Variants in NSMCE2 observed in about 807,000 individuals in gnomAD.
The protein encoded by NSMCE2 is NSE2 SUMO ligase component of SMC5/6 complex, also known as E3 SUMO-protein ligase NSE2.
NSMCE2 carries 24 observed loss-of-function variants against 23.8 expected under a neutral mutation model. That is an observed-to-expected ratio of 1.01 (90% CI 0.73 to 1.42). The LOEUF is 1.42. Among genes scored for constraint, NSMCE2 ranks in the 40% most tolerant of loss-of-function variants. NSMCE2 has a pLI of 0.00. For synonymous variants in NSMCE2, 92 were observed against 94.1 expected, an observed-to-expected ratio of 0.98 and a Z score of 0.13; for missense variants, 284 against 296.5, an observed-to-expected ratio of 0.96 and a Z score of 0.31.
chr8:125,316,717 T>TC (rs1300581421), intron 5 of NSMCE2, among the ~76,000 whole-genome samples: 1 of 113,566 alleles, frequency 8.8e-6, no homozygotes, highest in African/African-American at 2.8e-5. Flanking sequence ...CTTCTTTCCT[T>TC]CTTTCTTTCC....
intron 5 of NSMCE2, among the ~76,000 whole-genome samples, chr8:125,262,383 C>T (rs1357405743): frequency 6.6e-6 from 1 of 152,060 alleles, no homozygotes; most frequent in Non-Finnish European, 1.5e-5. Flanking sequence ...GAGATCGCGC[C>T]ACTGCATTCC....
chr8:125,232,646 C>T lies in NSMCE2; in HGVS notation c.418+50390C>T, dbSNP rs572527664. 1.8e-3 allele frequency among the ~76,000 whole-genome samples: 272 copies of T among 152,250 alleles called. 1 individual carries two copies. The highest frequency in any genetic ancestry group is 3.4e-3 in the Middle Eastern group (1 of 294). ...TATAAAGTAGGCCCAGTAGAATGTTCTGCGTACTCATCCCCACCTTCAACA... is the reference window on the plus strand; with the variant it reads ...TATAAAGTAGGCCCAGTAGAATGTTTTGCGTACTCATCCCCACCTTCAACA... On this transcript the variant is annotated intron_variant, in intron 5 of 7. Coordinates refer to ENST00000287437, the MANE Select transcript of NSMCE2 (RefSeq NM_173685.4).
intron 5 of NSMCE2, among the ~76,000 whole-genome samples, chr8:125,230,977 G>T (rs1221754121): frequency 1.1e-4 from 17 of 152,074 alleles, no homozygotes; most frequent in Admixed American, 9.2e-4. Flanking sequence ...CCCTGATAGA[G>T]GATTAATGCA....
chr8:125,300,813 T>C (rs1441985028), intron 5 of NSMCE2, among the ~76,000 whole-genome samples: 3 of 152,056 alleles, frequency 2.0e-5, no homozygotes, highest in Non-Finnish European at 4.4e-5. Flanking sequence ...TGCAAAGGCT[T>C]TCTGGGGACA....
rs116576203 is a variant in NSMCE2, at chr8:125,296,745, G to A, written c.419-60474G>A. Among the ~76,000 whole-genome samples, 1,199 of 152,124 alleles carry A rather than the reference G, an allele frequency of 7.9e-3. 11 individuals carry two copies. Among genetic ancestry groups the A allele is most frequent in the African/African-American group, 0.028 (1,153 of 41,488 alleles). On this transcript the variant is annotated intron_variant, in intron 5 of 7. Coordinates refer to ENST00000287437, the MANE Select transcript of NSMCE2 (RefSeq NM_173685.4). ...TTTTAACATTTCCTTTTCCTCCTTC[G>A]TATTGTTGCTTACAAACATAAGACA...
At chr8:125,250,625 G>C (rs1183658742) in intron 5 of NSMCE2, among the ~76,000 whole-genome samples, 2 of 152,160 alleles carry the variant, frequency 1.3e-5, no homozygotes, top group African/African-American at 4.8e-5. Flanking sequence ...TATGTCTCTT[G>C]CAGACATTTC....
chr8:125,255,519 C>A (rs978495231), intron 5 of NSMCE2, among the ~76,000 whole-genome samples: 1 of 151,922 alleles, frequency 6.6e-6, no homozygotes, highest in East Asian at 1.9e-4. Context: ...TAAAGGGTGG[C>A]GTGTTCTAGG....
intron 5 of NSMCE2, among the ~76,000 whole-genome samples, chr8:125,345,500 G>A (rs770079460): frequency 1.3e-5 from 2 of 152,160 alleles, no homozygotes; most frequent in Non-Finnish European, 2.9e-5. Flanking sequence ...TACATTGCCT[G>A]GTTCACTGAG....
At chr8:125,297,471 G>A (rs1828375228) in intron 5 of NSMCE2, among the ~76,000 whole-genome samples, 1 of 152,158 alleles carries the variant, frequency 6.6e-6, no homozygotes, top group South Asian at 2.1e-4. Context: ...TCAGCCAAAT[G>A]TTGTCTTCTT....
chr8:125,271,435 T>A (rs1245348564), intron 5 of NSMCE2, among the ~76,000 whole-genome samples: 2 of 152,130 alleles, frequency 1.3e-5, no homozygotes, highest in Admixed American at 1.3e-4. Flanking sequence ...TAGGTGGAAA[T>A]AAGAGACAGA....
intron 7 of NSMCE2, among the ~76,000 whole-genome samples, chr8:125,366,379 A>T (rs1451239534): frequency 2.0e-5 from 3 of 152,146 alleles, no homozygotes; most frequent in African/African-American, 7.2e-5. Flanking sequence ...ACTCTATTAA[A>T]AATACCAAAA....
intron 5 of NSMCE2, among the ~76,000 whole-genome samples, chr8:125,291,525 A>T (rs899058836): frequency 6.6e-6 from 1 of 152,164 alleles, no homozygotes; most frequent in Non-Finnish European, 1.5e-5. Context: ...CTGCAAGCAG[A>T]TTTGGATTAA....
chr8:125,106,347 T>C (rs1165457872), intron 3 of NSMCE2, among the ~76,000 whole-genome samples: 2 of 152,274 alleles, frequency 1.3e-5, no homozygotes, highest in South Asian at 2.1e-4. Context: ...TTTATAATGG[T>C]GAACACAAAT....
At chr8:125,122,328 A>G (rs541865425) in intron 3 of NSMCE2, among the ~76,000 whole-genome samples, 2 of 152,150 alleles carry the variant, frequency 1.3e-5, no homozygotes, top group East Asian at 3.9e-4. Context: ...TCTTTGTTTG[A>G]TTGTTTCTCT....
intron 5 of NSMCE2, among the ~76,000 whole-genome samples, chr8:125,313,283 G>A (rs1432379700): frequency 1.3e-5 from 2 of 152,074 alleles, no homozygotes; most frequent in Admixed American, 6.6e-5. Flanking sequence ...GGATGAGAAG[G>A]CAGGTATAGC....
intron 4 of NSMCE2, among the ~76,000 whole-genome samples, chr8:125,158,572 C>T (rs1821442584): frequency 6.6e-6 from 1 of 152,176 alleles, no homozygotes; most frequent in South Asian, 2.1e-4. Context: ...TCAGTGGCAC[C>T]AGGCCATCCT....
At position 125,200,292 on chromosome 8, in the gene NSMCE2, G is replaced by GT. The variant is rs533119354; in HGVS notation, c.418+18041dup. 5.9e-5 allele frequency among the ~76,000 whole-genome samples: 9 copies of GT among 152,318 alleles called. No individual in the cohort carries two copies. In the East Asian group the frequency reaches 1.5e-3, roughly 26 times the overall value. ...CTCGATGGTCTTTACAGTTTGGCAT[G>GT]TTTTTGCGGTGGCTGGTACCAGTTG... is the stretch of plus-strand genomic sequence containing the variant. On this transcript the variant is annotated intron_variant, in intron 5 of 7. Coordinates refer to ENST00000287437, the MANE Select transcript of NSMCE2 (RefSeq NM_173685.4).
Position 125,102,438 on chromosome 8 carries a change from T to C in NSMCE2, c.108T>C (p.Ser36=), listed in dbSNP as rs372997453. ...SLKNFQACIN[S]GMDTASSVAL... is the part of the protein sequence containing the mutation. ...AAAACTTCCAAGCCTGTATCAACTC[T>C]GGTATGGACACAGCTTCTAGTGTTG... The change falls in exon 3 of 8, where the codon TCT becomes TCC. Residue 36 remains serine, a synonymous_variant. Transcript: ENST00000287437. 26 of 1,613,720 alleles carry C rather than the reference T, an allele frequency of 1.6e-5. No individual in the cohort carries two copies. Among genetic ancestry groups the C allele is most frequent in the Non-Finnish European group, 2.1e-5 (25 of 1,179,728 alleles).
rs113295955 is a variant in NSMCE2, at chr8:125,096,425, G to A, written c.-111+4467G>A. Among the ~76,000 whole-genome samples, 357 of 152,096 alleles carry A rather than the reference G, an allele frequency of 2.3e-3. 2 individuals are homozygous for A. Among genetic ancestry groups the A allele is most frequent in the African/African-American group, 8.4e-3 (348 of 41,482 alleles). On this transcript the variant is annotated intron_variant, in intron 1 of 7. Coordinates refer to ENST00000287437, the MANE Select transcript of NSMCE2 (RefSeq NM_173685.4). ...AGTTTGCTATTGCATTTACTATAAG[G>A]ATATTTTTGAGGATTATTTTTTTCA... is the stretch of plus-strand genomic sequence containing the variant.
Sources: allele counts gnomAD v4.1 joint callset (sites outside exome capture counted in the v4.1 genomes callset), GRCh38; gene constraint gnomAD v4.1.1; transcripts MANE v1.5; gene names NCBI Gene and HGNC (gene_info 2026-07-23, HGNC 2026-07-21).